Variants in KCNAB1 observed in about 807,000 individuals in gnomAD.
KCNAB1 encodes voltage-gated potassium channel subunit beta-1.
A neutral mutation model predicts 64.6 loss-of-function variants in KCNAB1; 35 were observed. The ratio of observed to expected loss-of-function variants is 0.54; its 90% CI spans 0.41 to 0.72. The LOEUF is 0.72. Among genes scored for constraint, KCNAB1 ranks in the 30% least tolerant of loss-of-function variants. The pLI, the probability that KCNAB1 is intolerant of heterozygous loss-of-function variation, is 0.00. For synonymous variants in KCNAB1, 177 were observed against 183.8 expected (o/e 0.96, Z 0.30); for missense variants, 401 against 512.9 (o/e 0.78, Z 2.11).
intron 1 of KCNAB1, among the ~76,000 whole-genome samples, chr3:156,384,376 A>G (rs1413512686): frequency 1.3e-5 from 2 of 152,210 alleles, no homozygotes; most frequent in African/African-American, 4.8e-5. Context: ...CCGATAGTAA[A>G]GAATGATTTG....
At chr3:156,154,792 A>G (rs1292825977) in intron 1 of KCNAB1, among the ~76,000 whole-genome samples, 1 of 152,110 alleles carries the variant, frequency 6.6e-6, no homozygotes, top group African/African-American at 2.4e-5. Context: ...GGACTGGGCA[A>G]TGGCAGTGGA....
intron 1 of KCNAB1, among the ~76,000 whole-genome samples, chr3:156,137,412 C>T (rs889836403): frequency 1.3e-5 from 2 of 152,100 alleles, no homozygotes; most frequent in Non-Finnish European, 2.9e-5. Flanking sequence ...TGCACCCCCT[C>T]CCCTATCCTA....
intron 1 of KCNAB1, among the ~76,000 whole-genome samples, chr3:156,242,149 C>T (rs973198359): frequency 5.3e-5 from 8 of 152,208 alleles, no homozygotes; most frequent in African/African-American, 1.9e-4. Flanking sequence ...GCAGTGTGCT[C>T]TGTGGGGCAG....
chr3:156,518,338 G>T (rs1344620993), intron 11 of KCNAB1, among the ~76,000 whole-genome samples: 2 of 152,070 alleles, frequency 1.3e-5, no homozygotes, highest in Admixed American at 1.3e-4. Context: ...TGTTTTCGGA[G>T]TAATATATGT....
intron 1 of KCNAB1, among the ~76,000 whole-genome samples, chr3:156,139,600 T>G (rs1714586504): frequency 1.3e-5 from 2 of 148,392 alleles, no homozygotes; most frequent in African/African-American, 5.0e-5. Flanking sequence ...TTTTTTTTTT[T>G]TTTTTTTTTT....
intron 2 of KCNAB1, among the ~76,000 whole-genome samples, chr3:156,443,717 G>T (rs954486578): frequency 4.7e-5 from 7 of 149,736 alleles, no homozygotes; most frequent in African/African-American, 1.7e-4. Context: ...AGTGGAGAGG[G>T]TTCTAAGTAA....
chr3:156,337,408 T>C (rs1576743185), intron 1 of KCNAB1, among the ~76,000 whole-genome samples: 1 of 152,322 alleles, frequency 6.6e-6, no homozygotes, highest in African/African-American at 2.4e-5. Context: ...CTTTTTTCCT[T>C]TCTGTATCTT....
At chr3:156,362,584 T>C (rs553835380) in intron 1 of KCNAB1, among the ~76,000 whole-genome samples, 1 of 152,330 alleles carries the variant, frequency 6.6e-6, no homozygotes, top group Non-Finnish European at 1.5e-5. Context: ...TACTAGTTCA[T>C]TGGTTGATGT....
At chr3:156,241,336 A>C (rs1469401178) in intron 1 of KCNAB1, among the ~76,000 whole-genome samples, 2 of 152,214 alleles carry the variant, frequency 1.3e-5, no homozygotes, top group African/African-American at 4.8e-5. Flanking sequence ...TTATAAAGTT[A>C]ATCATATCAG....
intron 1 of KCNAB1, among the ~76,000 whole-genome samples, chr3:156,401,514 G>T (rs1382625027): frequency 6.6e-6 from 1 of 152,222 alleles, no homozygotes; most frequent in Non-Finnish European, 1.5e-5. Context: ...GTGTTGAAAT[G>T]TGGCTGTTCT....
At chr3:156,296,648 T>C (rs1303002473) in intron 1 of KCNAB1, among the ~76,000 whole-genome samples, 1 of 151,984 alleles carries the variant, frequency 6.6e-6, no homozygotes, top group Non-Finnish European at 1.5e-5. Flanking sequence ...TAATGTTTTA[T>C]ATTTTTAGTA....
chr3:156,515,291 A>G (rs893677448), intron 10 of KCNAB1, 71 bp downstream of exon 10: 1 of 1,421,874 alleles, frequency 7.0e-7, no homozygotes, highest in South Asian at 1.3e-5. Context: ...GAAAAAATAA[A>G]AACAGTGTTA....
chr3:156,164,861 A>C (rs1009986458), intron 1 of KCNAB1, among the ~76,000 whole-genome samples: 4 of 152,246 alleles, frequency 2.6e-5, no homozygotes, highest in African/African-American at 9.6e-5. Context: ...TTTTACTTGC[A>C]TTCAGAATAG....
At chr3:156,219,975 T>TTCTGTGCTTA (rs959294691) in intron 1 of KCNAB1, among the ~76,000 whole-genome samples, 2 of 152,092 alleles carry the variant, frequency 1.3e-5, no homozygotes, top group African/African-American at 4.8e-5. Context: ...GTGTTTGCTT[T>TTCTGTGCTTA]TCTGTGCTTG....
chr3:156,209,703 T>C (rs1429279982), intron 1 of KCNAB1, among the ~76,000 whole-genome samples: 1 of 152,230 alleles, frequency 6.6e-6, no homozygotes, highest in Non-Finnish European at 1.5e-5. Flanking sequence ...TAAGGAAGTA[T>C]GTTGTGTGGG....
At chr3:156,458,440 G>A (rs779809970) in intron 4 of KCNAB1, among the ~76,000 whole-genome samples, 1 of 152,230 alleles carries the variant, frequency 6.6e-6, no homozygotes, top group South Asian at 2.1e-4. Context: ...GAACTGTGAG[G>A]TATAATCACC....
chr3:156,394,201 G>C (rs1200037038), intron 1 of KCNAB1, among the ~76,000 whole-genome samples: 2 of 152,232 alleles, frequency 1.3e-5, no homozygotes, highest in Non-Finnish European at 2.9e-5. Flanking sequence ...GCTTATGCTG[G>C]AGAAGAGAAA....
chr3:156,418,954 G>C (rs1018249609), intron 1 of KCNAB1, among the ~76,000 whole-genome samples: 1 of 152,208 alleles, frequency 6.6e-6, no homozygotes, highest in Non-Finnish European at 1.5e-5. Context: ...TTAAAATCTT[G>C]TAAGGCTTTC....
chr3:156,139,869 A>G (rs777581868), intron 1 of KCNAB1, among the ~76,000 whole-genome samples: 16 of 152,112 alleles, frequency 1.1e-4, no homozygotes, highest in Non-Finnish European at 1.8e-4. Context: ...TATAATCTGG[A>G]TGGGGAGTTA....
Sources: gnomAD v4.1 joint callset for allele counts (sites outside exome capture counted in the v4.1 genomes callset) on GRCh38, gnomAD v4.1.1 for gene constraint, MANE v1.5 for transcripts, NCBI Gene and HGNC (gene_info 2026-07-23, HGNC 2026-07-21) for gene names.